Variants in FKBP15 observed in about 807,000 individuals in gnomAD.
The protein encoded by FKBP15 is FKBP prolyl isomerase family member 15, also known as FK506-binding protein 15.
Under a neutral mutation model 158.1 loss-of-function variants are expected in FKBP15, and 106 were observed. The observed-to-expected ratio is 0.67, with a 90% CI of 0.57 to 0.79. FKBP15 has a LOEUF of 0.79. Among genes scored for constraint, FKBP15 ranks in the 30% least tolerant of loss-of-function variants. FKBP15 has a pLI of 0.00. For synonymous variants in FKBP15, 547 were observed against 548.6 expected (o/e 1.00, Z 0.04); for missense variants, 1,287 against 1,479.1 (o/e 0.87, Z 2.13).
rs759682758 is a variant in FKBP15, at chr9:113,182,843, T to A, written c.1837A>T (p.Met613Leu). 2.4e-5 allele frequency: 38 copies of A among 1,613,686 alleles called. No homozygotes were observed. The African/African-American group carries it at 4.3e-4, about 18-fold the overall frequency. ...TGAAGTGAGTTGTTCCTCTTCTCCA[T>A]CATCAGGTTACTCTGCTCAACATAC... The part of the protein sequence containing the change: ...QRYVEQSNLM[M>L]EKRNNSLQTA... Residue 613 changes from methionine to leucine, a missense_variant, in exon 19 of 28, where the codon ATG becomes TTG. Physicochemically the swap from Met to Leu is conservative, Grantham distance 15. Transcript: ENST00000238256.
At chr9:113,208,107 G>C (rs1032601509) in intron 2 of FKBP15, among the ~76,000 whole-genome samples, 1 of 152,110 alleles carries the variant, frequency 6.6e-6, no homozygotes, top group Admixed American at 6.5e-5. Context: ...ACTTTGGCAG[G>C]CCGAGGCAGG....
At position 113,183,853 on chromosome 9, in the gene FKBP15, CAA is replaced by C. The variant is rs750358248; in HGVS notation, c.1717-10_1717-9del. 1.3e-6 allele frequency: 2 copies of C among 1,599,192 alleles called. No individual in the cohort carries two copies. Among genetic ancestry groups the C allele is most frequent in the Non-Finnish European group, 1.7e-6 (2 of 1,167,198 alleles). ...CTTCAATCTTTCATTTTCCTAATTT[CAA>C]AATATATGATGTACAATTTAAGTGT... is the stretch of plus-strand genomic sequence containing the variant. On this transcript the variant is annotated splice_polypyrimidine_tract_variant and intron_variant, in intron 17 of 27. Coordinates refer to ENST00000238256, the MANE Select transcript of FKBP15 (RefSeq NM_015258.2).
At chr9:113,171,742 A>AGCCTGGATT (rs1554714226) in intron 23 of FKBP15, 36 bp from the exon 24 acceptor site, 7 of 1,470,476 alleles carry the variant, frequency 4.8e-6, no homozygotes, top group Admixed American at 2.1e-5. Flanking sequence ...TGGCCTCAGG[A>AGCCTGGATT]ACCAGGTGAA....
chr9:113,200,965 A>G (rs1587969361), intron 6 of FKBP15, among the ~76,000 whole-genome samples: 2 of 148,552 alleles, frequency 1.3e-5, no homozygotes, highest in Admixed American at 1.4e-4. Flanking sequence ...AATCGCTTGA[A>G]CCCGGGAGGC....
Position 113,198,711 on chromosome 9 carries a change from C to A in FKBP15, c.717+144G>T, listed in dbSNP as rs1011408208. 8.9e-5 allele frequency: 53 copies of A among 592,614 alleles called. No individual in the cohort carries two copies. Among genetic ancestry groups the A allele is most frequent in the Middle Eastern group, 4.7e-4 (1 of 2,128 alleles). The allele number at this position is 592,614 out of a possible 1,614,324, so 36.7% of individuals were successfully genotyped here. The stretch of plus-strand genomic sequence containing the variant: ...AGGTTGCAATGAGCCAAGATCGTGC[C>A]ATTGCACTCCAGCTTGAACAACAAG... On this transcript the variant is annotated intron_variant, in intron 8 of 27. Transcript: ENST00000238256. The surrounding 1 kb of genome is among the most constrained non-coding windows in gnomAD (Gnocchi z 5.2).
chr9:113,210,844 A>G (rs1830987200), intron 2 of FKBP15, among the ~76,000 whole-genome samples: 1 of 152,182 alleles, frequency 6.6e-6, no homozygotes, highest in African/African-American at 2.4e-5. Context: ...CCTGCGCTGG[A>G]TGCTTTCTGC....
At chr9:113,192,563 C>T (rs143988699) in intron 11 of FKBP15, among the ~76,000 whole-genome samples, 1,842 of 152,288 alleles carry the variant, frequency 0.012, 39 homozygotes, top group African/African-American at 0.042. Context: ...AACACAGAGG[C>T]TCAGTGACCT....
In FKBP15 at chr9:113,184,499, C is replaced by T; in HGVS notation, c.1609-100G>A. On this transcript the variant is annotated intron_variant, in intron 16 of 27. Transcript: ENST00000238256. This position sits in a 1 kb window ranked among gnomAD's most constrained non-coding sequence, Gnocchi z 4.5. ...CTGTTGTTAAGGGGGTTAATGAGTT[C>T]CTGGGACAATCTCTAACTGTTAAGT... 2.0e-6 allele frequency: 2 copies of T among 1,007,804 alleles called. No individual in the cohort carries two copies. Among genetic ancestry groups the T allele is most frequent in the Non-Finnish European group, 3.0e-6 (2 of 660,538 alleles). 62.4% of individuals were successfully genotyped at this position (1,007,804 alleles called of 1,614,324 possible).
intron 9 of FKBP15, 60 bp downstream of exon 9, chr9:113,196,872 G>A (rs1830695717): frequency 2.6e-6 from 4 of 1,551,916 alleles, no homozygotes; most frequent in Non-Finnish European, 2.6e-6. Context: ...TTCATTTTGT[G>A]TAACTAGCAA....
chr9:113,210,304 G>A (rs562461390), intron 2 of FKBP15, among the ~76,000 whole-genome samples: 1 of 150,414 alleles, frequency 6.6e-6, no homozygotes, highest in East Asian at 1.9e-4. Context: ...AACCTGTTAA[G>A]GCACAATCCT....
rs1223506051 is a variant in FKBP15 at position 113,184,914 on chromosome 9, C to T, written c.1499-110G>A. 1.6e-5 allele frequency: 13 copies of T among 808,540 alleles called. No homozygotes were observed. The highest frequency in any genetic ancestry group is 2.6e-5 in the Non-Finnish European group (13 of 508,942). The allele number at this position is 808,540 out of a possible 1,614,324, so 50.1% of individuals were successfully genotyped here. On this transcript the variant is annotated intron_variant, in intron 15 of 27. Coordinates refer to ENST00000238256, the MANE Select transcript of FKBP15 (RefSeq NM_015258.2). The surrounding 1 kb of genome is among the most constrained non-coding windows in gnomAD (Gnocchi z 4.5). Reference sequence around the variant, plus strand: ...AGAAAGAAATTAATACTTCCATACACTAGGAAATGCTATAGGTGACTTCAC... The same window carrying T: ...AGAAAGAAATTAATACTTCCATACATTAGGAAATGCTATAGGTGACTTCAC...
chr9:113,197,198 G>T, intron 8 of FKBP15, 120 bp from the exon 9 acceptor site: 1 of 1,247,086 alleles, frequency 8.0e-7, no homozygotes, highest in Non-Finnish European at 1.1e-6. Flanking sequence ...GCCTCCAGAG[G>T]TCGGGTCTGA....
intron 12 of FKBP15, among the ~76,000 whole-genome samples, chr9:113,189,466 T>C (rs1830537948): frequency 6.6e-6 from 1 of 152,084 alleles, no homozygotes; most frequent in Admixed American, 6.5e-5. Context: ...TTTCTATAAT[T>C]TTAAATTATT....
intron 26 of FKBP15, 35 bp from the exon 27 acceptor site, chr9:113,168,591 T>G: frequency 6.3e-7 from 1 of 1,594,116 alleles, no homozygotes; most frequent in Non-Finnish European, 8.6e-7. Context: ...AATGTTATTG[T>G]TCCTGCTCCA....
In FKBP15 at chr9:113,184,450, A is replaced by T; in HGVS notation, c.1609-51T>A. 1 of 1,393,458 alleles carries T rather than the reference A, an allele frequency of 7.2e-7. No homozygotes were observed. Among genetic ancestry groups the T allele is most frequent in the South Asian group, 1.2e-5 (1 of 80,942 alleles). The allele number at this position is 1,393,458 out of a possible 1,614,324, so 86.3% of individuals were successfully genotyped here. A position where few individuals can be genotyped will look rare whatever the true frequency, so the allele number is the denominator to read the frequency against. On this transcript the variant is annotated intron_variant, in intron 16 of 27. Coordinates refer to ENST00000238256, the MANE Select transcript of FKBP15 (RefSeq NM_015258.2). The surrounding 1 kb of genome is among the most constrained non-coding windows in gnomAD (Gnocchi z 4.5). ...TTGTGAGAAATTATAAAATGAAGAA[A>T]TACAATTTACCCAAGATTTGACCCT...
In FKBP15 at chr9:113,164,059, G is replaced by A. The variant is rs2118844759; in HGVS notation, c.*2019C>T. ...ACTGCTGTATACTAAATACCTCACA[G>A]ATTAGATGAAAAGATGGTTGTAAGC... On this transcript the variant is annotated 3_prime_UTR_variant, in exon 28 of 28. Transcript: ENST00000238256. 1 of 152,690 alleles carries A rather than the reference G, an allele frequency of 6.5e-6. No homozygotes were observed. The highest frequency in any genetic ancestry group is 2.1e-4 in the South Asian group (1 of 4,822). 9.5% of individuals were successfully genotyped at this position (152,690 alleles called of 1,614,324 possible).
chr9:113,218,489 G>A (rs551850525), intron 1 of FKBP15, among the ~76,000 whole-genome samples: 1 of 150,736 alleles, frequency 6.6e-6, no homozygotes, highest in East Asian at 1.9e-4. Context: ...ATACAATAAT[G>A]TCTATGTATT....
rs1128786 is a variant in FKBP15 at position 113,163,983 on chromosome 9, C to G, written c.*2095G>C. 0.32 allele frequency: 48,103 copies of G among 152,382 alleles called. 7,750 individuals carry two copies. Among genetic ancestry groups the G allele is most frequent in the Non-Finnish European group, 0.33 (22,667 of 67,966 alleles). 9.4% of individuals were successfully genotyped at this position (152,382 alleles called of 1,614,324 possible). On this transcript the variant is annotated 3_prime_UTR_variant, in exon 28 of 28. Transcript: ENST00000238256. ...TACATTTTTTGAGTTAGATGGGACT[C>G]TCTGGATAGTTGAACCTCTTCACTT...
chr9:113,171,635 CT>C lies in FKBP15; in HGVS notation c.2603del (p.Lys868ArgfsTer24). The C allele has an allele frequency of 6.2e-7, 1 of 1,605,264 alleles. No individual in the cohort carries two copies. The highest frequency in any genetic ancestry group is 8.5e-7 in the Non-Finnish European group (1 of 1,175,630). On this transcript the variant is annotated frameshift_variant, in exon 24 of 28. Transcript: ENST00000238256. LOFTEE classifies it high-confidence loss of function. ...CAACCCCAGACATCTGGGACTTGTT[CT>C]TCTCTAGTTCCTTGATGTGCTGTTC... is the stretch of plus-strand genomic sequence containing the variant. ...QNEQHIKELE[K>X]NKSQMSGVEA...
Sources: allele counts gnomAD v4.1 joint callset (sites outside exome capture counted in the v4.1 genomes callset), GRCh38; gene constraint gnomAD v4.1.1; non-coding constraint Gnocchi (gnomAD v3.1); transcripts MANE v1.5; gene names NCBI Gene and HGNC (gene_info 2026-07-23, HGNC 2026-07-21).